Variants in PLXDC1 observed in about 807,000 individuals in gnomAD.
PLXDC1 encodes the protein plexin domain-containing protein 1.
PLXDC1 carries 39 observed loss-of-function variants against 61.3 expected under a neutral mutation model. That is an observed-to-expected ratio of 0.64 (90% CI 0.49 to 0.83). The LOEUF is 0.83. Ranked by LOEUF, PLXDC1 falls within the 40% of genes least tolerant of loss-of-function variation. The pLI, the probability that PLXDC1 is intolerant of heterozygous loss-of-function variation, is 0.00. For missense variants in PLXDC1, 596 were observed against 666.5 expected, an observed-to-expected ratio of 0.89 and a Z score of 1.17; for synonymous variants, 212 against 254.5, an observed-to-expected ratio of 0.83 and a Z score of 1.59.
chr17:39,136,359 A>T (rs1035069247), intron 2 of PLXDC1, among the ~76,000 whole-genome samples: 16 of 152,244 alleles, frequency 1.1e-4, no homozygotes, highest in South Asian at 2.1e-4. Flanking sequence ...GCAATATTTT[A>T]AAAAATCAAA....
chr17:39,108,436 G>A (rs1286309742), intron 4 of PLXDC1, 191 bp from the exon 5 acceptor site: 2 of 607,790 alleles, frequency 3.3e-6, no homozygotes, highest in Non-Finnish European at 2.9e-6. Flanking sequence ...GATAGGAGAA[G>A]GTCCTCCCTG....
At chr17:39,134,868 C>A (rs1162001832) in intron 2 of PLXDC1, among the ~76,000 whole-genome samples, 8 of 151,898 alleles carry the variant, frequency 5.3e-5, no homozygotes. Flanking sequence ...AGAAATAGCC[C>A]GCAGGACCCC....
At chr17:39,141,931 A>G (rs2143952512) in intron 1 of PLXDC1, among the ~76,000 whole-genome samples, 1 of 152,250 alleles carries the variant, frequency 6.6e-6, no homozygotes, top group South Asian at 2.1e-4. Flanking sequence ...ATCTTTTCAT[A>G]TGCTTGTGGG....
intron 7 of PLXDC1, among the ~76,000 whole-genome samples, chr17:39,095,381 A>ACCC (rs1365217059): frequency 7.1e-4 from 3 of 4,244 alleles, no homozygotes; most frequent in Admixed American, 3.5e-3. Flanking sequence ...CCCCCCCCCA[A>ACCC]CCCCCCAAGC....
Position 39,087,658 on chromosome 17 carries a change from C to T in PLXDC1, c.856G>A (p.Asp286Asn). The change falls in exon 8 of 14, where the codon GAC (aspartate) becomes AAC (asparagine). Residue 286 changes from aspartate to asparagine, a missense_variant. Transcript: ENST00000315392. ...GACATGCTGGTGACCTTGCTGGGGT[C>T]CAGCTCTATGCGGTGATATTCAAAG... The part of the protein sequence containing the change: ...SIFEYHRIEL[D>N]PSKVTSMSAV... 6.2e-7 allele frequency: 1 copy of T among 1,614,070 alleles called. No homozygotes were observed. The highest frequency in any genetic ancestry group is 8.5e-7 in the Non-Finnish European group (1 of 1,179,978).
At chr17:39,089,934 A>T (rs1010848576) in intron 7 of PLXDC1, among the ~76,000 whole-genome samples, 3 of 152,102 alleles carry the variant, frequency 2.0e-5, no homozygotes, top group Admixed American at 6.5e-5. Flanking sequence ...AGTAGCTGGG[A>T]TTACAGGTGC....
chr17:39,129,635 AAGAAAGAG>A (rs1408575361), intron 2 of PLXDC1, among the ~76,000 whole-genome samples: 948 of 91,972 alleles, frequency 0.01, 14 homozygotes, highest in African/African-American at 0.041. Context: ...AAAGAAAAGA[AAGAAAGAG>A]AGAGAGAGAG....
intron 2 of PLXDC1, among the ~76,000 whole-genome samples, chr17:39,135,935 C>T (rs1027919736): frequency 3.9e-5 from 6 of 152,162 alleles, no homozygotes; most frequent in African/African-American, 9.6e-5. Flanking sequence ...TGAACACCCA[C>T]GAACAATTGC....
At chr17:39,073,662 C>A (rs1172538339) in intron 11 of PLXDC1, among the ~76,000 whole-genome samples, 1 of 152,176 alleles carries the variant, frequency 6.6e-6, no homozygotes, top group Non-Finnish European at 1.5e-5. Flanking sequence ...CACATTGGCT[C>A]CTGAGTTAGT....
intron 2 of PLXDC1, among the ~76,000 whole-genome samples, chr17:39,131,532 T>C (rs1430985531): frequency 2.0e-5 from 3 of 151,992 alleles, no homozygotes; most frequent in African/African-American, 7.2e-5. Context: ...TATGTATTTT[T>C]AGTAGAGACG....
intron 2 of PLXDC1, among the ~76,000 whole-genome samples, chr17:39,111,482 A>G (rs1223846209): frequency 6.6e-6 from 1 of 152,042 alleles, no homozygotes; most frequent in Non-Finnish European, 1.5e-5. Context: ...ACGGGGTTTT[A>G]CCATGTTGGC....
At chr17:39,107,357 A>G in intron 6 of PLXDC1, 50 bp downstream of exon 6, 1 of 1,089,866 alleles carries the variant, frequency 9.2e-7, no homozygotes, top group East Asian at 2.4e-5. Flanking sequence ...TATTTGCTGA[A>G]TGAAGAAAGG....
rs762385169 is a variant in PLXDC1 at position 39,067,804 on chromosome 17, T to A, written c.*36A>T. 8.2e-6 allele frequency: 13 copies of A among 1,584,022 alleles called. No individual in the cohort carries two copies. In the South Asian group the frequency reaches 1.5e-4, roughly 18 times the overall value. ...TTCTTTGCTTTAACTGTCTTTTCTG[T>A]GGCCTCAAAGTCTTCAAAGGGGAGA... On this transcript the variant is annotated 3_prime_UTR_variant, in exon 14 of 14. Coordinates refer to ENST00000315392, the MANE Select transcript of PLXDC1 (RefSeq NM_020405.5).
At chr17:39,132,130 A>C (rs1023590313) in intron 2 of PLXDC1, 1 of 152,444 alleles carries the variant, frequency 6.6e-6, no homozygotes, top group African/African-American at 2.4e-5. Flanking sequence ...TCAAATCTAA[A>C]TGTTCTTATG....
intron 1 of PLXDC1, among the ~76,000 whole-genome samples, chr17:39,141,551 T>C (rs1911934686): frequency 6.6e-6 from 1 of 152,254 alleles, no homozygotes; most frequent in Admixed American, 6.5e-5. Flanking sequence ...TGGATGTCTG[T>C]TTTGCTTCCA....
At chr17:39,077,849 C>A in intron 11 of PLXDC1, 64 bp downstream of exon 11, 1 of 1,580,014 alleles carries the variant, frequency 6.3e-7, no homozygotes, top group Non-Finnish European at 8.7e-7. Flanking sequence ...GAGGGGGCCC[C>A]AGAGGGGTGG....
chr17:39,077,941 G>C lies in PLXDC1; in HGVS notation c.1158C>G (p.Ser386=). The C allele has an allele frequency of 6.2e-7, 1 of 1,613,840 alleles. No homozygotes were observed. Among genetic ancestry groups the C allele is most frequent in the Non-Finnish European group, 8.5e-7 (1 of 1,179,710 alleles). The change falls in exon 11 of 14, where the codon TCC becomes TCG. Residue 386 remains serine (S), a synonymous_variant. Coordinates refer to ENST00000315392, the MANE Select transcript of PLXDC1 (RefSeq NM_020405.5). The stretch of plus-strand genomic sequence containing the variant: ...CTGTGGTGAGGCTGTCGATGAAGAG[G>C]GAGGAGGAGGTAGTGGTGAGGTCTC... ...YDGDLTTTSS[S]LFIDSLTTED...
At chr17:39,074,695 A>G (rs1909258313) in intron 11 of PLXDC1, among the ~76,000 whole-genome samples, 1 of 152,046 alleles carries the variant, frequency 6.6e-6, no homozygotes, top group Non-Finnish European at 1.5e-5. Context: ...AGCCTCTGAC[A>G]CTGTGCCTCC....
intron 4 of PLXDC1, 122 bp from the exon 5 acceptor site, chr17:39,108,367 G>A: frequency 1.9e-6 from 2 of 1,042,664 alleles, no homozygotes; most frequent in South Asian, 1.4e-5. Context: ...TGAGACCTCT[G>A]TCGCCCATCC....
Sources: allele counts gnomAD v4.1 joint callset (sites outside exome capture counted in the v4.1 genomes callset), GRCh38; gene constraint gnomAD v4.1.1; transcripts MANE v1.5; gene names NCBI Gene and HGNC (gene_info 2026-07-23, HGNC 2026-07-21).